The following AKNA variants were observed in gnomAD, a reference collection of about 807,000 sequenced individuals.
AKNA encodes AT-hook transcription factor, also known as microtubule organization protein AKNA.
In AKNA, 67 loss-of-function variants were observed where a neutral mutation model predicts 138.8. The observed-to-expected ratio is 0.48, with a 90% CI of 0.40 to 0.59. The LOEUF (loss-of-function observed/expected upper bound fraction) is 0.59. AKNA is among the 20% of genes least tolerant of loss of function. AKNA has a pLI of 0.00. For synonymous variants in AKNA, 737 were observed against 754.4 expected (o/e 0.98, Z 0.38); for missense variants, 1,813 against 1,880.4 (o/e 0.96, Z 0.66).
At chr9:114,364,506 G>T in intron 7 of AKNA, 54 bp downstream of exon 7, 1 of 1,573,104 alleles carries the variant, frequency 6.4e-7, no homozygotes, top group Non-Finnish European at 8.7e-7. Flanking sequence ...ACAGAGTCAT[G>T]GGAGACAGTG....
At chr9:114,379,414 AC>A (rs1365749957) in intron 2 of AKNA, among the ~76,000 whole-genome samples, 1 of 152,160 alleles carries the variant, frequency 6.6e-6, no homozygotes, top group Non-Finnish European at 1.5e-5. Context: ...TTACCATGTG[AC>A]CCCAGGAAGA....
Position 114,368,421 on chromosome 9 carries a change from C to T in AKNA, c.1573+18G>A. The T allele has an allele frequency of 7.6e-7, 1 of 1,313,318 alleles. No individual in the cohort carries two copies. The highest frequency in any genetic ancestry group is 9.8e-7 in the Non-Finnish European group (1 of 1,022,972). 81.4% of individuals were successfully genotyped at this position (1,313,318 alleles called of 1,614,324 possible). Reference sequence around the variant, plus strand: ...AGGCAGAAGGAGCCTCCAGCTGCAGCTCTTCTCCCGGACTCACCTGAGGCC... The same window carrying T: ...AGGCAGAAGGAGCCTCCAGCTGCAGTTCTTCTCCCGGACTCACCTGAGGCC... On this transcript the variant is annotated intron_variant, in intron 5 of 21. Coordinates refer to ENST00000374088, the MANE Select transcript of AKNA (RefSeq NM_001317950.2).
chr9:114,341,956 G>T, intron 20 of AKNA, 53 bp downstream of exon 20: 1 of 1,530,060 alleles, frequency 6.5e-7, no homozygotes, highest in South Asian at 1.1e-5. Context: ...TAATAACCCT[G>T]GTCAAGGAGA....
At chr9:114,387,755 C>G (rs1223081071) in intron 1 of AKNA, 105 bp downstream of exon 1, 7 of 224,094 alleles carry the variant, frequency 3.1e-5, no homozygotes, top group African/African-American at 2.3e-5. Context: ...GCTGCAACTT[C>G]CTGGCTGGGC....
intron 3 of AKNA, 109 bp from the exon 4 acceptor site, chr9:114,374,276 G>T: frequency 9.4e-7 from 1 of 1,068,492 alleles, no homozygotes; most frequent in Non-Finnish European, 1.4e-6. Flanking sequence ...CTGGGTTCCT[G>T]AGAGGAAAGC....
intron 1 of AKNA, chr9:114,383,107 T>A (rs1419403455): frequency 2.2e-6 from 1 of 455,316 alleles, no homozygotes; most frequent in Non-Finnish European, 4.4e-6. Context: ...ATGGCTGGGG[T>A]ATTGAACACA....
chr9:114,331,581 C>T (rs146308825), downstream of AKNA: 3 of 1,613,816 alleles, frequency 1.9e-6, no homozygotes, highest in South Asian at 1.1e-5. Context: ...AGGCCGAGAA[C>T]ATGTTGCTCA....
chr9:114,331,226 A>G (rs1829845677), downstream of AKNA, among the ~76,000 whole-genome samples: 1 of 152,046 alleles, frequency 6.6e-6, no homozygotes, highest in African/African-American at 2.4e-5. Context: ...TATGTCCCCC[A>G]TCACCGCAGA....
intron 4 of AKNA, among the ~76,000 whole-genome samples, chr9:114,373,151 C>A (rs1264129384): frequency 6.6e-6 from 1 of 152,238 alleles, no homozygotes; most frequent in Non-Finnish European, 1.5e-5. Context: ...GCTCCCACAT[C>A]CTCCTCTACT....
chr9:114,376,169 C>T, intron 3 of AKNA: 1 of 370,870 alleles, frequency 2.7e-6, no homozygotes, highest in Non-Finnish European at 5.1e-6. Flanking sequence ...GCTTCCTACC[C>T]CAGCCAGCCT....
In AKNA at chr9:114,381,297, G is replaced by A; in HGVS notation, c.37C>T (p.Pro13Ser). The change falls in exon 2 of 22, where the codon CCT becomes TCT. Residue 13 changes from proline (P) to serine (S), a missense_variant. Transcript: ENST00000374088. ...CGCTGGGGGCCCTTCCCCAGGCCAGGCTCAGCCCAGCGGATCTCAGTCTCC... is the reference window on the plus strand; with the variant it reads ...CGCTGGGGGCCCTTCCCCAGGCCAGACTCAGCCCAGCGGATCTCAGTCTCC... The part of the protein sequence containing the change: ...SSETEIRWAE[P>S]GLGKGPQRRR... The A allele has an allele frequency of 6.2e-7, 1 of 1,607,922 alleles. No individual in the cohort carries two copies. Among genetic ancestry groups the A allele is most frequent in the Non-Finnish European group, 8.5e-7 (1 of 1,177,040 alleles).
At chr9:114,357,600 T>A (rs772861382) in intron 12 of AKNA, among the ~76,000 whole-genome samples, 1 of 152,192 alleles carries the variant, frequency 6.6e-6, no homozygotes, top group Non-Finnish European at 1.5e-5. Context: ...ATTTCCATAG[T>A]GGCCTGTGAC....
intron 13 of AKNA, among the ~76,000 whole-genome samples, chr9:114,356,452 C>A (rs1386703150): frequency 1.3e-5 from 2 of 152,152 alleles, no homozygotes; most frequent in Non-Finnish European, 2.9e-5. Context: ...AGGGCCTGCA[C>A]CCAGCTTTGG....
chr9:114,357,323 G>T (rs2131891329), intron 12 of AKNA, among the ~76,000 whole-genome samples: 1 of 152,334 alleles, frequency 6.6e-6, no homozygotes, highest in African/African-American at 2.4e-5. Flanking sequence ...GAATACTATG[G>T]TCTTATCTGA....
rs765860056 is a variant in AKNA, at chr9:114,377,318, A to G, written c.489T>C (p.Leu163=). The part of the protein sequence containing the change: ...EGHGNTSPMA[L]GHGQARGWVA... ...CCCAGCCCCTGGCCTGACCATGCCC[A>G]AGAGCCATGGGGCTGGTGTTTCCAT... The change falls in exon 3 of 22, where the codon CTT becomes CTC. Residue 163 remains leucine, a synonymous_variant. Transcript: ENST00000374088. The G allele has an allele frequency of 1.2e-6, 2 of 1,614,118 alleles. No individual in the cohort carries two copies. Among genetic ancestry groups the G allele is most frequent in the Admixed American group, 3.3e-5 (2 of 60,020 alleles).
chr9:114,330,513 C>T (rs752508526), downstream of AKNA: 5 of 1,612,024 alleles, frequency 3.1e-6, no homozygotes, highest in East Asian at 4.5e-5. Context: ...ATCCAAGCAA[C>T]CTTCTTTTAC....
chr9:114,383,115 A>G, intron 1 of AKNA: 1 of 455,838 alleles, frequency 2.2e-6, no homozygotes, highest in East Asian at 6.9e-5. Context: ...GGTATTGAAC[A>G]CAGGGAAAGC....
chr9:114,338,879 C>T (rs1196050827), intron 21 of AKNA, among the ~76,000 whole-genome samples: 2 of 152,176 alleles, frequency 1.3e-5, no homozygotes. Flanking sequence ...CATGGGTTCA[C>T]ACCTGGGCCC....
chr9:114,393,934 A>C (rs1834447685), intron 1 of AKNA, among the ~76,000 whole-genome samples: 1 of 152,164 alleles, frequency 6.6e-6, no homozygotes, highest in Non-Finnish European at 1.5e-5. Context: ...GCATTTTGGG[A>C]GGCTGAGGCG....
Sources: gnomAD v4.1 joint callset for allele counts (sites outside exome capture counted in the v4.1 genomes callset) on GRCh38, gnomAD v4.1.1 for gene constraint, MANE v1.5 for transcripts, NCBI Gene and HGNC (gene_info 2026-07-23, HGNC 2026-07-21) for gene names.